PCDH15: variants seen among roughly 807,000 people sequenced by gnomAD.
PCDH15 encodes the protein protocadherin-15.
In PCDH15, 129 loss-of-function variants were observed where a neutral mutation model predicts 178.5. The observed-to-expected ratio is 0.72, with a 90% CI of 0.63 to 0.84. PCDH15 has a LOEUF of 0.84. PCDH15 is among the 40% of genes least tolerant of loss of function. The probability of loss-of-function intolerance (pLI) is 0.00; values close to 1 mark genes in which losing one functional copy is unlikely to be tolerated. For missense variants in PCDH15, 2,230 were observed against 2,099.9 expected (o/e 1.06, Z -1.21); for synonymous variants, 800 against 732.0 (o/e 1.09, Z -1.50).
rs201098221 is a variant in PCDH15, at chr10:54,418,162, G to C, written c.158-39220C>G. Among the ~76,000 whole-genome samples the C allele has an allele frequency of 1.7e-4, 26 of 151,078 alleles. No homozygotes were observed. In the East Asian group the frequency reaches 5.0e-3, roughly 29 times the overall value. ...GGGAAAATCAGGATAATATTTTGAGGGGAAAGAAGGTAAAATCAATTAAGA... is the reference window on the plus strand; with the variant it reads ...GGGAAAATCAGGATAATATTTTGAGCGGAAAGAAGGTAAAATCAATTAAGA... On this transcript the variant is annotated intron_variant, in intron 3 of 37. Transcript: ENST00000644397.
intron 2 of PCDH15, among the ~76,000 whole-genome samples, chr10:55,539,847 T>A (rs1841718471): frequency 1.3e-5 from 2 of 152,094 alleles, no homozygotes; most frequent in African/African-American, 4.8e-5. Context: ...ACATTTAGTG[T>A]CAATTACGAC....
At chr10:54,499,602 T>C (rs2080459722) in intron 3 of PCDH15, among the ~76,000 whole-genome samples, 1 of 151,782 alleles carries the variant, frequency 6.6e-6, no homozygotes, top group South Asian at 2.1e-4. Context: ...TAGGCAGAAA[T>C]AAAAAAAATT....
chr10:53,828,465 A>G (rs2076833316), intron 31 of PCDH15, 100 bp downstream of exon 31: 25 of 991,734 alleles, frequency 2.5e-5, no homozygotes, highest in Non-Finnish European at 3.8e-5. Context: ...AAACAAGGGA[A>G]TAAGATGTGG....
At chr10:54,262,503 C>A (rs1350893832) in intron 8 of PCDH15, among the ~76,000 whole-genome samples, 1 of 152,126 alleles carries the variant, frequency 6.6e-6, no homozygotes, top group Non-Finnish European at 1.5e-5. Flanking sequence ...ACCACCCTGT[C>A]CCCAAATCAT....
In PCDH15 at chr10:54,837,644, C is replaced by A. The variant is rs73256004; in HGVS notation, c.-29+59806G>T. 3.7e-3 allele frequency among the ~76,000 whole-genome samples: 561 copies of A among 151,988 alleles called. 1 individual carries two copies. The highest frequency in any genetic ancestry group is 0.013 in the African/African-American group (539 of 41,466). Reference sequence around the variant, plus strand: ...TAAACTATGTAAATTAAAATGTAGTCAAAAATATAATAGAGTGATGATGTC... The same window carrying A: ...TAAACTATGTAAATTAAAATGTAGTAAAAAATATAATAGAGTGATGATGTC... On this transcript the variant is annotated intron_variant, in intron 3 of 5. Coordinates refer to the PCDH15 transcript ENST00000458638.
At chr10:55,356,099 C>T (rs1251135194) in intron 2 of PCDH15, among the ~76,000 whole-genome samples, 1 of 151,806 alleles carries the variant, frequency 6.6e-6, no homozygotes, top group African/African-American at 2.4e-5. Flanking sequence ...TCCGACACAA[C>T]TAATTAAGTG....
intron 29 of PCDH15, among the ~76,000 whole-genome samples, chr10:53,839,316 T>C (rs2077502320): frequency 6.6e-6 from 1 of 151,604 alleles, no homozygotes; most frequent in Non-Finnish European, 1.5e-5. Flanking sequence ...ATAGAAGTGA[T>C]GAAATTTTGT....
intron 1 of PCDH15, among the ~76,000 whole-genome samples, chr10:55,314,243 C>T (rs1301478773): frequency 6.8e-6 from 1 of 147,302 alleles, no homozygotes; most frequent in Non-Finnish European, 1.5e-5. Flanking sequence ...TCTCAGTGTT[C>T]GTCATTACCC....
chr10:54,396,565 C>G lies in PCDH15; in HGVS notation c.158-17623G>C, dbSNP rs559335727. The stretch of plus-strand genomic sequence containing the variant: ...AGCAAGTGTCTTGACAGAGAACTCA[C>G]ATTTCATTCTCTTTCCAACACTCTT... On this transcript the variant is annotated intron_variant, in intron 3 of 37. Transcript: ENST00000644397. 2.5e-4 allele frequency among the ~76,000 whole-genome samples: 38 copies of G among 152,190 alleles called. No homozygotes were observed. In the South Asian group the frequency reaches 5.8e-3, roughly 23 times the overall value.
chr10:55,037,044 G>C lies in PCDH15; in HGVS notation c.-80+129532C>G, dbSNP rs529722254. On this transcript the variant is annotated intron_variant, in intron 2 of 5. Coordinates refer to the PCDH15 transcript ENST00000458638. ...AATTGAAAATTAACCTGTCACCCCT[G>C]AAGATAAATAGTTAGACATTTTTCC... Among the ~76,000 whole-genome samples, 185 of 152,166 alleles carry C rather than the reference G, an allele frequency of 1.2e-3. 1 individual carries two copies. Among genetic ancestry groups the C allele is most frequent in the Non-Finnish European group, 5.0e-4 (34 of 68,010 alleles).
chr10:54,160,263 G>A (rs991567001), intron 13 of PCDH15, among the ~76,000 whole-genome samples: 1 of 152,052 alleles, frequency 6.6e-6, no homozygotes, highest in Non-Finnish European at 1.5e-5. Flanking sequence ...TAAAACTTTG[G>A]AATTGTTGAT....
intron 8 of PCDH15, among the ~76,000 whole-genome samples, chr10:54,254,652 G>A (rs2056762170): frequency 6.6e-6 from 1 of 152,012 alleles, no homozygotes; most frequent in South Asian, 2.1e-4. Flanking sequence ...GTCTTTTTGT[G>A]GAAGGGCAAA....
At chr10:54,405,182 A>G (rs1478504440) in intron 3 of PCDH15, among the ~76,000 whole-genome samples, 9 of 152,090 alleles carry the variant, frequency 5.9e-5, no homozygotes, top group Admixed American at 5.9e-4. Flanking sequence ...AAATTGCTCT[A>G]TCACAAAGAT....
chr10:54,805,328 C>T (rs1244575311), upstream of PCDH15, among the ~76,000 whole-genome samples: 1 of 152,024 alleles, frequency 6.6e-6, no homozygotes, highest in African/African-American at 2.4e-5. Flanking sequence ...AATAGCCTTG[C>T]TCATTACAAG....
chr10:55,541,028 T>G (rs1255946590), intron 2 of PCDH15, among the ~76,000 whole-genome samples: 1 of 152,090 alleles, frequency 6.6e-6, no homozygotes, highest in Non-Finnish European at 1.5e-5. Flanking sequence ...TTTATTTGTA[T>G]GCCGACATAG....
chr10:54,351,444 A>T (rs1049772131), intron 5 of PCDH15, among the ~76,000 whole-genome samples: 6 of 152,054 alleles, frequency 3.9e-5, no homozygotes, highest in South Asian at 2.1e-4. Context: ...TTTTCTTTTT[A>T]AAAAAATATT....
At chr10:55,185,777 G>A (rs1335902341) in intron 1 of PCDH15, among the ~76,000 whole-genome samples, 2 of 151,600 alleles carry the variant, frequency 1.3e-5, no homozygotes, top group African/African-American at 2.4e-5. Context: ...AATCACAAAC[G>A]AAGGTAATAT....
At chr10:53,858,106 C>T (rs1272954472) in intron 27 of PCDH15, among the ~76,000 whole-genome samples, 2 of 151,940 alleles carry the variant, frequency 1.3e-5, no homozygotes, top group Admixed American at 6.6e-5. Flanking sequence ...TACTATTATC[C>T]AATACTGATA....
chr10:55,199,629 C>T (rs1234681858), intron 1 of PCDH15, among the ~76,000 whole-genome samples: 1 of 151,972 alleles, frequency 6.6e-6, no homozygotes, highest in African/African-American at 2.4e-5. Flanking sequence ...AAAATGCCTC[C>T]AGGGCATTTC....
Sources: allele counts gnomAD v4.1 joint callset (sites outside exome capture counted in the v4.1 genomes callset), GRCh38; gene constraint gnomAD v4.1.1; transcripts MANE v1.5; gene names NCBI Gene and HGNC (gene_info 2026-07-23, HGNC 2026-07-21).